The following TMCC2 variants were observed in gnomAD, a reference collection of about 807,000 sequenced individuals.
TMCC2 encodes the protein transmembrane and coiled-coil domain family 2.
In TMCC2, 16 loss-of-function variants were observed where a neutral mutation model predicts 49.4. The observed-to-expected ratio is 0.32, with a 90% CI of 0.22 to 0.49. The LOEUF (loss-of-function observed/expected upper bound fraction) is 0.49, where lower values mean the gene tolerates loss of function less well. Ranked by LOEUF, TMCC2 falls within the 20% of genes least tolerant of loss-of-function variation. The pLI is 0.99. For missense variants in TMCC2, 762 were observed against 989.8 expected (o/e 0.77, Z 3.09); for synonymous variants, 397 against 434.1 (o/e 0.91, Z 1.06).
intron 2 of TMCC2, among the ~76,000 whole-genome samples, chr1:205,255,229 G>T (rs1472242447): frequency 1.4e-5 from 2 of 147,824 alleles, no homozygotes; most frequent in Non-Finnish European, 3.0e-5. Context: ...AAAAATCCTA[G>T]CTTGGTGGGG....
intron 2 of TMCC2, among the ~76,000 whole-genome samples, chr1:205,251,511 T>C (rs1172154): frequency 6.6e-6 from 1 of 152,004 alleles, no homozygotes; most frequent in South Asian, 2.1e-4. Flanking sequence ...GAATAATTCA[T>C]CAGGCTCAGC....
intron 2 of TMCC2, among the ~76,000 whole-genome samples, chr1:205,261,834 A>C (rs1293130535): frequency 6.6e-6 from 1 of 152,108 alleles, no homozygotes; most frequent in Non-Finnish European, 1.5e-5. Context: ...CCAGGATCTA[A>C]ATTAGTGCCC....
chr1:205,229,546 G>GTGGT (rs1491414914), intron 1 of TMCC2: 1 of 34,894 alleles, frequency 2.9e-5, no homozygotes, highest in East Asian at 1.1e-3. Context: ...GTGAAGGGGC[G>GTGGT]GGGGGGGGGG....
intron 2 of TMCC2, among the ~76,000 whole-genome samples, chr1:205,242,982 G>A (rs956403863): frequency 4.6e-5 from 7 of 152,190 alleles, no homozygotes; most frequent in African/African-American, 1.7e-4. Flanking sequence ...GTAGGCAGAG[G>A]CCACATCACA....
chr1:205,229,571 C>T (rs867929148), intron 1 of TMCC2: 38 of 534,700 alleles, frequency 7.1e-5, no homozygotes, highest in African/African-American at 3.3e-4. Flanking sequence ...GTGGCGGGGG[C>T]GGGGGGGGAA....
At chr1:205,238,287 A>G (rs2102536407) in intron 1 of TMCC2, among the ~76,000 whole-genome samples, 1 of 151,588 alleles carries the variant, frequency 6.6e-6, no homozygotes, top group African/African-American at 2.4e-5. Flanking sequence ...CTCCTTAACC[A>G]TCTCCTCCCT....
At chr1:205,259,280 T>C (rs1298173920) in intron 2 of TMCC2, among the ~76,000 whole-genome samples, 1 of 142,176 alleles carries the variant, frequency 7.0e-6, no homozygotes, top group Non-Finnish European at 1.5e-5. Flanking sequence ...CCTTTCTCCC[T>C]GTCAGCCTGC....
intron 4 of TMCC2, chr1:205,271,459 TGCAGAGGCAAGCCCACAGG>T: frequency 1.2e-6 from 1 of 825,600 alleles, no homozygotes; most frequent in East Asian, 2.7e-5. Flanking sequence ...GCGTGCACTG[TGCAGAGGCAAGCCCACAGG>T]GCAGAGGCCA....
intron 1 of TMCC2, among the ~76,000 whole-genome samples, chr1:205,239,967 C>T (rs1660203163): frequency 1.3e-5 from 2 of 149,630 alleles, no homozygotes; most frequent in Non-Finnish European, 3.0e-5. Flanking sequence ...AAGTTTGTTT[C>T]TAGGGAAAAA....
rs1357717242 is a variant in TMCC2, at chr1:205,264,354, T to C, written c.748-4596T>C. 6.6e-6 allele frequency among the ~76,000 whole-genome samples: 1 copy of C among 152,220 alleles called. No individual in the cohort carries two copies. Among genetic ancestry groups the C allele is most frequent in the African/African-American group, 2.4e-5 (1 of 41,458 alleles). On this transcript the variant is annotated intron_variant, in intron 2 of 4. Coordinates refer to ENST00000358024, the MANE Select transcript of TMCC2 (RefSeq NM_014858.4). This position sits in a 1 kb window ranked among gnomAD's most constrained non-coding sequence, Gnocchi z 4.2. ...GTTTTTGTTTTTGAGACGGAGTCTC[T>C]GTCACCCAGGCTGGAGTGCAGTGGT...
intron 2 of TMCC2, among the ~76,000 whole-genome samples, chr1:205,243,678 G>C (rs533752611): frequency 6.6e-6 from 1 of 152,210 alleles, no homozygotes; most frequent in African/African-American, 2.4e-5. Context: ...AGCATGTTTT[G>C]GGGGGAAGGT....
At chr1:205,260,691 C>T (rs1277624830) in intron 2 of TMCC2, among the ~76,000 whole-genome samples, 1 of 151,490 alleles carries the variant, frequency 6.6e-6, no homozygotes, top group Non-Finnish European at 1.5e-5. Context: ...TCCCCCACCC[C>T]CACCCCAGCC....
chr1:205,272,885 T>C lies in TMCC2; in HGVS notation c.*761T>C, dbSNP rs1046825145. The stretch of plus-strand genomic sequence containing the variant: ...CCTCTGAGAGTGCTGTTGGGTTCTA[T>C]TTATTTATTTATTTGTTCCTTTGTT... On this transcript the variant is annotated 3_prime_UTR_variant, in exon 5 of 5. Transcript: ENST00000358024. The C allele has an allele frequency of 1.3e-5, 2 of 152,640 alleles. No individual in the cohort carries two copies. Among genetic ancestry groups the C allele is most frequent in the African/African-American group, 4.8e-5 (2 of 41,414 alleles). 9.5% of individuals were successfully genotyped at this position (152,640 alleles called of 1,614,324 possible).
At position 205,269,640 on chromosome 1, in the gene TMCC2, T is replaced by A; in HGVS notation, c.1438T>A (p.Ser480Thr). The A allele has an allele frequency of 6.2e-7, 1 of 1,613,666 alleles. No individual in the cohort carries two copies. Among genetic ancestry groups the A allele is most frequent in the Non-Finnish European group, 8.5e-7 (1 of 1,179,920 alleles). The change falls in exon 3 of 5, where the codon TCC becomes ACC. Residue 480 changes from serine (S) to threonine (T), a missense_variant. Coordinates refer to ENST00000358024, the MANE Select transcript of TMCC2 (RefSeq NM_014858.4). ...CAAGTATGGCAGCGATGATGAGTGC[T>A]CCAGCGCCAGCGCCAGCTCAGCCGG... ...SPKYGSDDECSSASASSAGAG... is the reference protein window; with the variant it reads ...SPKYGSDDECTSASASSAGAG...
intron 2 of TMCC2, among the ~76,000 whole-genome samples, chr1:205,251,590 T>A (rs1172152): frequency 0.29 from 43,925 of 152,158 alleles, 7,516 homozygotes; most frequent in Non-Finnish European, 0.39. Flanking sequence ...GAAAGGCGAA[T>A]CCTGCCCTGG....
In TMCC2 at chr1:205,241,931, C is replaced by T. The variant is rs1050779310; in HGVS notation, c.634C>T (p.His212Tyr). The change falls in exon 2 of 5, where the codon CAC becomes TAC. Residue 212 changes from histidine to tyrosine, a missense_variant. This residue lies in a region of TMCC2 where 322 missense variants were observed against 353.1 expected (regional missense o/e 0.91). Coordinates refer to ENST00000358024, the MANE Select transcript of TMCC2 (RefSeq NM_014858.4). This position sits in a 1 kb window ranked among gnomAD's most constrained non-coding sequence, Gnocchi z 7.3. Reference sequence around the variant, plus strand: ...GGACAGCAGCCTGGCCGCCATCCTGCACCAGCACCAGTGCCGTCCCCGCTC... The same window carrying T: ...GGACAGCAGCCTGGCCGCCATCCTGTACCAGCACCAGTGCCGTCCCCGCTC... The part of the protein sequence containing the change: ...PQDSSLAAIL[H>Y]QHQCRPRSSS... The T allele has an allele frequency of 1.9e-6, 3 of 1,611,270 alleles. No homozygotes were observed. Among genetic ancestry groups the T allele is most frequent in the Admixed American group, 1.7e-5 (1 of 59,938 alleles).
intron 1 of TMCC2, among the ~76,000 whole-genome samples, chr1:205,231,897 T>C (rs1459607226): frequency 6.6e-6 from 1 of 152,166 alleles, no homozygotes; most frequent in Non-Finnish European, 1.5e-5. Context: ...GGCACTGTGA[T>C]GAATTAAGTG....
intron 2 of TMCC2, among the ~76,000 whole-genome samples, chr1:205,247,586 C>T (rs1284421798): frequency 6.6e-6 from 1 of 152,156 alleles, no homozygotes. Context: ...TCAGCTGACT[C>T]CCCCAGACCC....
At position 205,246,566 on chromosome 1, in the gene TMCC2, G is replaced by C. The variant is rs1660460699; in HGVS notation, c.747+4522G>C. 3.2e-6 allele frequency: 5 copies of C among 1,548,538 alleles called. No homozygotes were observed. The East Asian group carries it at 1.2e-4, about 38-fold the overall frequency. ...CAGAGTGAGGAGCTCTGCACGCGTTGGCTAAAAGGGTGGCGTGGCTTTGTG... is the reference window on the plus strand; with the variant it reads ...CAGAGTGAGGAGCTCTGCACGCGTTCGCTAAAAGGGTGGCGTGGCTTTGTG... On this transcript the variant is annotated intron_variant, in intron 2 of 4. Transcript: ENST00000358024.
Sources: allele counts gnomAD v4.1 joint callset (sites outside exome capture counted in the v4.1 genomes callset), GRCh38; gene constraint gnomAD v4.1.1; regional missense constraint gnomAD v4.1.1; non-coding constraint Gnocchi (gnomAD v3.1); transcripts MANE v1.5; gene names NCBI Gene and HGNC (gene_info 2026-07-23, HGNC 2026-07-21).